The following CLOCK variants were observed in gnomAD, a reference collection of about 807,000 sequenced individuals.
The protein encoded by CLOCK is circadian locomoter output cycles protein kaput.
A neutral mutation model predicts 118.4 loss-of-function variants in CLOCK; 43 were observed. That is an observed-to-expected ratio of 0.36 (90% CI 0.28 to 0.47). CLOCK has a LOEUF of 0.47. Among genes scored for constraint, CLOCK ranks in the 20% least tolerant of loss-of-function variants. The pLI, the probability that CLOCK is intolerant of heterozygous loss-of-function variation, is 1.00. For missense variants in CLOCK, 846 were observed against 999.9 expected (o/e 0.85, Z 2.08); for synonymous variants, 326 against 339.2 (o/e 0.96, Z 0.43).
At position 55,434,623 on chromosome 4, in the gene CLOCK, A is replaced by G. The variant is rs1050649088; in HGVS notation, c.*792T>C. The G allele has an allele frequency of 6.6e-6, 1 of 152,594 alleles. No homozygotes were observed. Among genetic ancestry groups the G allele is most frequent in the Non-Finnish European group, 1.5e-5 (1 of 68,058 alleles). 9.5% of individuals were successfully genotyped at this position (152,594 alleles called of 1,614,324 possible). ...AAAAATCCATTCCCAGCAGCACATC[A>G]TACCTCACTGAACAAACTGTGACAT... is the stretch of plus-strand genomic sequence containing the variant. On this transcript the variant is annotated 3_prime_UTR_variant, in exon 23 of 23. Coordinates refer to ENST00000513440, the MANE Select transcript of CLOCK (RefSeq NM_004898.4).
chr4:55,475,474 T>A (rs1053742828), intron 7 of CLOCK, among the ~76,000 whole-genome samples: 3 of 152,228 alleles, frequency 2.0e-5, no homozygotes, highest in African/African-American at 7.2e-5. Flanking sequence ...GACTGTAATT[T>A]TGAAAGAAGT....
intron 1 of CLOCK, among the ~76,000 whole-genome samples, chr4:55,516,967 T>G (rs1560472053): frequency 6.6e-6 from 1 of 152,224 alleles, no homozygotes; most frequent in Non-Finnish European, 1.5e-5. Context: ...GTAATAATCC[T>G]AATACCTCCC....
chr4:55,520,597 C>T (rs1729795581), intron 1 of CLOCK, among the ~76,000 whole-genome samples: 1 of 152,164 alleles, frequency 6.6e-6, no homozygotes. Flanking sequence ...AATAAATCCA[C>T]AGTAGACATA....
intron 1 of CLOCK, among the ~76,000 whole-genome samples, chr4:55,514,338 G>C (rs191027398): frequency 1.3e-5 from 2 of 152,046 alleles, no homozygotes; most frequent in Admixed American, 6.5e-5. Context: ...CATTTAGGCT[G>C]TTATGTCCCC....
intron 13 of CLOCK, among the ~76,000 whole-genome samples, chr4:55,454,490 C>T (rs1205968215): frequency 6.6e-6 from 1 of 151,672 alleles, no homozygotes; most frequent in Non-Finnish European, 1.5e-5. Context: ...TGGTACGTGC[C>T]TGTAATCCCA....
Position 55,434,592 on chromosome 4 carries a change from GAA to G in CLOCK, c.*821_*822del, listed in dbSNP as rs10529257. ...TCCTGTTGTATCAATAATTTAACCT[GAA>G]AAAAAAAATCCATTCCCAGCAGCAC... On this transcript the variant is annotated 3_prime_UTR_variant, in exon 23 of 23. Transcript: ENST00000513440. 1.8e-3 allele frequency: 267 copies of G among 150,528 alleles called. No individual in the cohort carries two copies. The highest frequency in any genetic ancestry group is 2.1e-3 in the Non-Finnish European group (142 of 67,560). 9.3% of individuals were successfully genotyped at this position (150,528 alleles called of 1,614,324 possible). A position where few individuals can be genotyped will look rare whatever the true frequency, so the allele number is the denominator to read the frequency against.
chr4:55,467,069 T>C (rs1191116534), intron 8 of CLOCK, among the ~76,000 whole-genome samples: 1 of 152,176 alleles, frequency 6.6e-6, no homozygotes, highest in Non-Finnish European at 1.5e-5. Flanking sequence ...ACCTTGTCCA[T>C]TTTTCTGTAC....
At position 55,438,500 on chromosome 4, in the gene CLOCK, T is replaced by C. The variant is rs753548953; in HGVS notation, c.2143A>G (p.Thr715Ala). 1.9e-6 allele frequency: 3 copies of C among 1,613,714 alleles called. No individual in the cohort carries two copies. Among genetic ancestry groups the C allele is most frequent in the Non-Finnish European group, 2.5e-6 (3 of 1,179,988 alleles). Residue 715 changes from threonine to alanine, a missense_variant, in exon 22 of 23, where the codon ACT becomes GCT. Physicochemically the swap from Thr to Ala is moderately conservative, Grantham distance 58. This residue lies in a region of CLOCK where 520 missense variants were observed against 558.0 expected (regional missense o/e 0.93). Transcript: ENST00000513440. ...ACTGCCCCACAAGCTACAGGAGCAG[T>C]CACTAATTTGGTCACAAGTTGTTGA... is the stretch of plus-strand genomic sequence containing the variant. ...QGQQLVTKLV[T>A]APVACGAVMV...
intron 1 of CLOCK, among the ~76,000 whole-genome samples, chr4:55,522,493 CTG>C (rs895081017): frequency 4.7e-5 from 7 of 149,070 alleles, no homozygotes; most frequent in Admixed American, 4.6e-4. Flanking sequence ...CAGTAATAAA[CTG>C]TTTTTTTTTA....
At chr4:55,535,038 C>T (rs563317209) in intron 1 of CLOCK, among the ~76,000 whole-genome samples, 1 of 151,898 alleles carries the variant, frequency 6.6e-6, no homozygotes, top group East Asian at 1.9e-4. Context: ...AAGCAATCCT[C>T]CCATCTCAGC....
chr4:55,519,907 G>T (rs1729754940), intron 1 of CLOCK, among the ~76,000 whole-genome samples: 1 of 152,148 alleles, frequency 6.6e-6, no homozygotes, highest in African/African-American at 2.4e-5. Context: ...GAAATGGGAT[G>T]CTTCTCCTTG....
intron 1 of CLOCK, among the ~76,000 whole-genome samples, chr4:55,544,331 T>C (rs964750892): frequency 6.6e-6 from 1 of 152,132 alleles, no homozygotes; most frequent in Non-Finnish European, 1.5e-5. Flanking sequence ...ATCCTCCTCA[T>C]AATTGTTTGT....
intron 1 of CLOCK, among the ~76,000 whole-genome samples, chr4:55,518,827 T>C (rs1242512805): frequency 6.6e-6 from 1 of 152,174 alleles, no homozygotes; most frequent in Admixed American, 6.5e-5. Context: ...GATACTTTGT[T>C]ACAGCAGCCA....
intron 5 of CLOCK, 36 bp downstream of exon 5, chr4:55,479,600 TATTC>T: frequency 2.8e-6 from 4 of 1,412,150 alleles, no homozygotes; most frequent in Non-Finnish European, 4.0e-6. Flanking sequence ...ATTTATCTAT[TATTC>T]ATTCATTTAC....
At chr4:55,468,419 TAATA>T (rs1421472141) in intron 8 of CLOCK, among the ~76,000 whole-genome samples, 1 of 152,180 alleles carries the variant, frequency 6.6e-6, no homozygotes, top group Non-Finnish European at 1.5e-5. Flanking sequence ...GAGCAGATAT[TAATA>T]AATACACATT....
At chr4:55,517,956 A>G (rs978627952) in intron 1 of CLOCK, among the ~76,000 whole-genome samples, 1 of 152,168 alleles carries the variant, frequency 6.6e-6, no homozygotes, top group Non-Finnish European at 1.5e-5. Context: ...CATTTTAAAA[A>G]TGAAACATGG....
At chr4:55,495,079 A>G (rs2109965821) in intron 2 of CLOCK, among the ~76,000 whole-genome samples, 1 of 152,278 alleles carries the variant, frequency 6.6e-6, no homozygotes, top group East Asian at 1.9e-4. Flanking sequence ...GAGATCATCA[A>G]AGAGAATCCC....
intron 1 of CLOCK, among the ~76,000 whole-genome samples, chr4:55,518,539 T>C (rs1577842226): frequency 1.3e-5 from 2 of 152,222 alleles, no homozygotes; most frequent in African/African-American, 4.8e-5. Context: ...AAAATTCTTA[T>C]GTTGAAACTT....
intron 21 of CLOCK, among the ~76,000 whole-genome samples, chr4:55,439,380 G>A (rs1425481983): frequency 6.6e-6 from 1 of 152,102 alleles, no homozygotes; most frequent in Admixed American, 6.5e-5. Context: ...ACCAGTGTTG[G>A]CAAGCAAGTA....
Sources: gnomAD v4.1 joint callset for allele counts (sites outside exome capture counted in the v4.1 genomes callset) on GRCh38, gnomAD v4.1.1 for gene constraint, gnomAD v4.1.1 regional missense constraint, MANE v1.5 for transcripts, NCBI Gene and HGNC (gene_info 2026-07-23, HGNC 2026-07-21) for gene names.